The following FAR1 variants were observed in gnomAD, a reference collection of about 807,000 sequenced individuals.
FAR1 encodes male sterility domain-containing protein 2.
In FAR1, 22 loss-of-function variants were observed where a neutral mutation model predicts 61.1. The ratio of observed to expected loss-of-function variants is 0.36; its 90% CI spans 0.26 to 0.51. The LOEUF is 0.51. Ranked by LOEUF, FAR1 falls within the 20% of genes least tolerant of loss-of-function variation. The probability of loss-of-function intolerance (pLI) is 0.95; values close to 1 mark genes in which losing one functional copy is unlikely to be tolerated. For synonymous variants in FAR1, 206 were observed against 209.7 expected (o/e 0.98, Z 0.15); for missense variants, 359 against 626.9 (o/e 0.57, Z 4.56).
chr11:13,690,679 C>T (rs2134177057), intron 1 of FAR1, among the ~76,000 whole-genome samples: 1 of 152,196 alleles, frequency 6.6e-6, no homozygotes, highest in African/African-American at 2.4e-5. Flanking sequence ...AGTTCTCCAT[C>T]TTTGTTATTT....
intron 1 of FAR1, chr11:13,685,768 T>C (rs1183814077): frequency 6.6e-6 from 1 of 152,246 alleles, no homozygotes; most frequent in Admixed American, 6.5e-5. Flanking sequence ...CATCAACTTT[T>C]AATGCAATGA....
Position 13,683,489 on chromosome 11 carries a change from T to C in FAR1, c.-7-11270T>C, listed in dbSNP as rs532664623. On this transcript the variant is annotated intron_variant, in intron 1 of 11. Coordinates refer to ENST00000354817, the MANE Select transcript of FAR1 (RefSeq NM_032228.6). ...AAAAAACATAGATGAAATACTAATA[T>C]TTTGTTATTTGTCCATTTGCTCAAA... is the stretch of plus-strand genomic sequence containing the variant. Among the ~76,000 whole-genome samples the C allele has an allele frequency of 2.6e-5, 4 of 152,252 alleles. No homozygotes were observed. The East Asian group carries it at 7.7e-4, about 29-fold the overall frequency.
chr11:13,706,236 G>A (rs1401724088), intron 3 of FAR1, among the ~76,000 whole-genome samples: 2 of 151,990 alleles, frequency 1.3e-5, no homozygotes, highest in Admixed American at 6.6e-5. Context: ...ACATACCACA[G>A]TTTATGTATT....
chr11:13,689,186 A>C (rs1198827821), intron 1 of FAR1, among the ~76,000 whole-genome samples: 1 of 152,194 alleles, frequency 6.6e-6, no homozygotes, highest in African/African-American at 2.4e-5. Flanking sequence ...ATCGAAATAT[A>C]ATAAATTCAG....
chr11:13,730,771 GA>G lies in FAR1; in HGVS notation c.*2000del, dbSNP rs1848716622. ...TATTGTTCTTGTAATCTAGCTTAAAGAAATGTTAACTGGGAGGGTGCTGAGG... is the reference window on the plus strand; with the variant it reads ...TATTGTTCTTGTAATCTAGCTTAAAGAATGTTAACTGGGAGGGTGCTGAGG... On this transcript the variant is annotated 3_prime_UTR_variant, in exon 12 of 12. Transcript: ENST00000354817. 6.6e-6 allele frequency: 1 copy of G among 152,100 alleles called. No homozygotes were observed. The highest frequency in any genetic ancestry group is 1.5e-5 in the Non-Finnish European group (1 of 67,968). The allele number at this position is 152,100 out of a possible 1,614,324, so 9.4% of individuals were successfully genotyped here.
intron 1 of FAR1, among the ~76,000 whole-genome samples, chr11:13,671,018 A>G (rs1034260739): frequency 6.6e-6 from 1 of 152,236 alleles, no homozygotes; most frequent in Non-Finnish European, 1.5e-5. Flanking sequence ...TCAGCAAAGC[A>G]TTTTAACTAA....
chr11:13,673,251 C>T (rs1405164761), intron 1 of FAR1, among the ~76,000 whole-genome samples: 1 of 152,174 alleles, frequency 6.6e-6, no homozygotes, highest in Non-Finnish European at 1.5e-5. Context: ...GTAAATTCAT[C>T]TAGCTTTTAG....
At chr11:13,723,048 T>C (rs1418142653) in intron 10 of FAR1, among the ~76,000 whole-genome samples, 4 of 151,982 alleles carry the variant, frequency 2.6e-5, no homozygotes, top group African/African-American at 9.7e-5. Context: ...TCACCCTTGG[T>C]TTTGGAACAT....
rs146547418 is a variant in FAR1 at position 13,674,107 on chromosome 11, C to A, written c.-8+5301C>A. On this transcript the variant is annotated intron_variant, in intron 1 of 11. Coordinates refer to ENST00000354817, the MANE Select transcript of FAR1 (RefSeq NM_032228.6). ...TGGGCGGATCATGAGGTCAGGAGTT[C>A]GATACCAGCCTGGCCAATATGGTGA... is the stretch of plus-strand genomic sequence containing the variant. Among the ~76,000 whole-genome samples the A allele has an allele frequency of 4.4e-3, 662 of 151,926 alleles. 2 individuals carry two copies. The highest frequency in any genetic ancestry group is 0.01 in the Middle Eastern group (3 of 292).
rs1163639412 is a variant in FAR1, at chr11:13,731,960, C to T, written c.*3186C>T. On this transcript the variant is annotated 3_prime_UTR_variant, in exon 12 of 12. Transcript: ENST00000354817. ...CTGGGGTCAGGTAAGTGTAAATGGC[C>T]TTCTGAGCATGCTCTTCTAGGCTGA... 2 of 151,980 alleles carry T rather than the reference C, an allele frequency of 1.3e-5. No homozygotes were observed. The highest frequency in any genetic ancestry group is 2.9e-5 in the Non-Finnish European group (2 of 68,006). The allele number at this position is 151,980 out of a possible 1,614,324, so 9.4% of individuals were successfully genotyped here.
intron 1 of FAR1, among the ~76,000 whole-genome samples, chr11:13,674,432 A>G (rs987652367): frequency 5.3e-5 from 8 of 152,058 alleles, no homozygotes; most frequent in Admixed American, 3.9e-4. Flanking sequence ...CTTCCCCTCT[A>G]TGGGCTTTAG....
rs1848712200 is a variant in FAR1, at chr11:13,730,454, G to A, written c.*1680G>A. 6.6e-6 allele frequency: 1 copy of A among 152,036 alleles called. No individual in the cohort carries two copies. Among genetic ancestry groups the A allele is most frequent in the Admixed American group, 6.6e-5 (1 of 15,220 alleles). The allele number at this position is 152,036 out of a possible 1,614,324, so 9.4% of individuals were successfully genotyped here. On this transcript the variant is annotated 3_prime_UTR_variant, in exon 12 of 12. Coordinates refer to ENST00000354817, the MANE Select transcript of FAR1 (RefSeq NM_032228.6). ...CTTTGGAATGATACTAAAGTCTCTG[G>A]TCTAGGACCATACCTTATATAAAGG...
At chr11:13,675,788 G>A (rs1040658896) in intron 1 of FAR1, among the ~76,000 whole-genome samples, 2 of 152,092 alleles carry the variant, frequency 1.3e-5, no homozygotes, top group Non-Finnish European at 2.9e-5. Flanking sequence ...GAAATATCTA[G>A]TTTAGATCAT....
chr11:13,705,274 AGTCTGAAG>A lies in FAR1; in HGVS notation c.366-2622_366-2615del, dbSNP rs141565051. 6.2e-3 allele frequency among the ~76,000 whole-genome samples: 944 copies of A among 152,186 alleles called. 9 individuals are homozygous for A. Among genetic ancestry groups the A allele is most frequent in the African/African-American group, 0.022 (899 of 41,512 alleles). ...TTCTGATATAACATGTCAGAGTCTC[AGTCTGAAG>A]GTCAATGGAGTAGAAATTGGATTGA... is the stretch of plus-strand genomic sequence containing the variant. On this transcript the variant is annotated intron_variant, in intron 3 of 11. Coordinates refer to ENST00000354817, the MANE Select transcript of FAR1 (RefSeq NM_032228.6).
intron 1 of FAR1, among the ~76,000 whole-genome samples, chr11:13,678,183 C>A (rs551918801): frequency 1.3e-5 from 2 of 152,246 alleles, no homozygotes; most frequent in African/African-American, 4.8e-5. Flanking sequence ...TTGGTACATT[C>A]TAGTAAAGTC....
chr11:13,700,518 T>A (rs1342419649), intron 3 of FAR1, 26 bp downstream of exon 3: 3 of 1,339,320 alleles, frequency 2.2e-6, no homozygotes, highest in African/African-American at 3.1e-5. Context: ...TATATAATAT[T>A]TGAACTTCAG....
intron 3 of FAR1, among the ~76,000 whole-genome samples, chr11:13,701,869 A>G (rs1475074465): frequency 6.6e-6 from 1 of 152,158 alleles, no homozygotes. Flanking sequence ...TGGAAGGGCT[A>G]TGAGCTTTGG....
chr11:13,670,679 C>T (rs1194202649), intron 1 of FAR1, among the ~76,000 whole-genome samples: 3 of 150,846 alleles, frequency 2.0e-5, no homozygotes, highest in African/African-American at 7.3e-5. Flanking sequence ...AATTTATTAC[C>T]CTTGTGAAGA....
intron 4 of FAR1, among the ~76,000 whole-genome samples, chr11:13,708,453 A>ACGCG (rs1565348172): frequency 7.0e-6 from 1 of 143,556 alleles, no homozygotes; most frequent in East Asian, 2.0e-4. Flanking sequence ...GCGCGCACAC[A>ACGCG]CACACACACA....
Sources: gnomAD v4.1 joint callset for allele counts (sites outside exome capture counted in the v4.1 genomes callset) on GRCh38, gnomAD v4.1.1 for gene constraint, MANE v1.5 for transcripts, NCBI Gene and HGNC (gene_info 2026-07-23, HGNC 2026-07-21) for gene names.